FCRL1: variants seen among roughly 807,000 people sequenced by gnomAD.
The protein encoded by FCRL1 is Fc receptor-like protein 1.
Under a neutral mutation model 49.2 loss-of-function variants are expected in FCRL1, and 34 were observed. The ratio of observed to expected loss-of-function variants is 0.69; its 90% CI spans 0.53 to 0.92. The LOEUF (loss-of-function observed/expected upper bound fraction) is 0.92, where lower values mean the gene tolerates loss of function less well. Among genes scored for constraint, FCRL1 ranks in the 40% least tolerant of loss-of-function variants. The pLI is 0.00. For synonymous variants in FCRL1, 218 were observed against 201.6 expected, an observed-to-expected ratio of 1.08 and a Z score of -0.69; for missense variants, 524 against 524.1, an observed-to-expected ratio of 1.00 and a Z score of 0.00.
At chr1:157,810,692 A>G (rs1372569008) in intron 1 of FCRL1, among the ~76,000 whole-genome samples, 1 of 152,224 alleles carries the variant, frequency 6.6e-6, no homozygotes, top group East Asian at 1.9e-4. Flanking sequence ...ACAGTCTTTC[A>G]AAAAAGTAAA....
chr1:157,797,580 T>C (rs909293936), intron 9 of FCRL1: 4 of 637,538 alleles, frequency 6.3e-6, no homozygotes, highest in Non-Finnish European at 1.1e-5. Context: ...ACCTCCATCG[T>C]GTTGGGAGGT....
intron 1 of FCRL1, among the ~76,000 whole-genome samples, chr1:157,808,187 T>A (rs1283030972): frequency 1.3e-5 from 2 of 152,122 alleles, no homozygotes; most frequent in Non-Finnish European, 2.9e-5. Flanking sequence ...CCTGGAGTGA[T>A]GGGAGTAAAC....
intron 1 of FCRL1, among the ~76,000 whole-genome samples, chr1:157,813,640 A>G (rs748400909): frequency 2.0e-5 from 3 of 152,216 alleles, no homozygotes; most frequent in African/African-American, 7.2e-5. Context: ...GTACTAGCAG[A>G]AAAAGATATA....
chr1:157,798,800 CTG>C (rs1244192977), intron 7 of FCRL1, among the ~76,000 whole-genome samples: 3 of 152,168 alleles, frequency 2.0e-5, no homozygotes, highest in Non-Finnish European at 2.9e-5. Flanking sequence ...TCACCAATAA[CTG>C]TTCAGTATGT....
intron 1 of FCRL1, among the ~76,000 whole-genome samples, chr1:157,816,570 T>G (rs1655049323): frequency 6.6e-6 from 1 of 151,680 alleles, no homozygotes; most frequent in East Asian, 1.9e-4. Flanking sequence ...CTATTTAACA[T>G]AATAATTGAA....
At chr1:157,802,268 C>A in intron 4 of FCRL1, 75 bp from the exon 5 acceptor site, 9 of 1,576,062 alleles carry the variant, frequency 5.7e-6, no homozygotes, top group Non-Finnish European at 7.8e-6. Flanking sequence ...CACCGATGCT[C>A]AGCCCCATTG....
intron 2 of FCRL1, among the ~76,000 whole-genome samples, chr1:157,805,306 C>T (rs1653250393): frequency 6.6e-6 from 1 of 152,118 alleles, no homozygotes; most frequent in Non-Finnish European, 1.5e-5. Flanking sequence ...GAGCCTCTGC[C>T]CCTTGAAAAA....
At chr1:157,796,511 C>A (rs752499187) in intron 10 of FCRL1, among the ~76,000 whole-genome samples, 40 of 152,322 alleles carry the variant, frequency 2.6e-4, no homozygotes, top group Non-Finnish European at 5.0e-4. Flanking sequence ...CACTGGACTT[C>A]ACCAAGGATT....
intron 8 of FCRL1, 45 bp downstream of exon 8, chr1:157,798,116 A>G (rs1410896338): frequency 5.1e-6 from 8 of 1,578,668 alleles, no homozygotes; most frequent in Non-Finnish European, 6.9e-6. Flanking sequence ...TCCCTTCCCT[A>G]GCTTGCTGTA....
In FCRL1 at chr1:157,798,010, C is replaced by T. The variant is rs1651813590; in HGVS notation, c.1115-71G>A. The T allele has an allele frequency of 4.5e-6, 7 of 1,544,104 alleles. No individual in the cohort carries two copies. The African/African-American group carries it at 8.2e-5, about 18-fold the overall frequency. ...GTCTTTCAAATTACTCCATACCTTC[C>T]ACCTGTCACAGCCATGAAGACAGAT... On this transcript the variant is annotated intron_variant, in intron 8 of 10. Coordinates refer to ENST00000368176, the MANE Select transcript of FCRL1 (RefSeq NM_052938.5).
chr1:157,800,292 G>T lies in FCRL1; in HGVS notation c.1004-207C>A, dbSNP rs11803791. Among the ~76,000 whole-genome samples, 123 of 152,288 alleles carry T rather than the reference G, an allele frequency of 8.1e-4. 1 individual carries two copies. The highest frequency in any genetic ancestry group is 2.9e-3 in the African/African-American group (119 of 41,556). On this transcript the variant is annotated intron_variant, in intron 6 of 10. Transcript: ENST00000368176. ...ACTCAGGTCCTGAATAATTAAGTGA[G>T]ATTCCCAAAGCCAATTAGTACCAGA...
Position 157,795,965 on chromosome 1 carries a change from AG to A in FCRL1, c.*133del. On this transcript the variant is annotated 3_prime_UTR_variant, in exon 11 of 11. Coordinates refer to ENST00000368176, the MANE Select transcript of FCRL1 (RefSeq NM_052938.5). The stretch of plus-strand genomic sequence containing the variant: ...GCCAACTTCACTTCACAGTAGATGA[AG>A]GAATAGTGCCATGGAGAATGGCATC... The A allele has an allele frequency of 1.3e-6, 1 of 750,024 alleles. No homozygotes were observed. The highest frequency in any genetic ancestry group is 1.7e-5 in the African/African-American group (1 of 57,636). 46.5% of individuals were successfully genotyped at this position (750,024 alleles called of 1,614,324 possible). A position where few individuals can be genotyped will look rare whatever the true frequency, so the allele number is the denominator to read the frequency against.
chr1:157,807,346 C>G (rs1378102398), intron 1 of FCRL1, among the ~76,000 whole-genome samples: 1 of 152,032 alleles, frequency 6.6e-6, no homozygotes, highest in Middle Eastern at 3.2e-3. Flanking sequence ...TTCTTTCTCT[C>G]TGCTCCTTTT....
At position 157,802,039 on chromosome 1, in the gene FCRL1, G is replaced by A. The variant is rs1295199485; in HGVS notation, c.762C>T (p.Ala254=). The A allele has an allele frequency of 3.1e-6, 5 of 1,614,114 alleles. No homozygotes were observed. Among genetic ancestry groups the A allele is most frequent in the Admixed American group, 1.7e-5 (1 of 60,010 alleles). ...TGAAGGAGGCTCCTCCTCCAGAGGG[G>A]GCCGACCTGCTCCCCAGGGTGATAT... ...HEDITLGSRS[A]PSGGGASFNL... is the part of the protein sequence containing the mutation. Residue 254 remains alanine, a synonymous_variant, in exon 5 of 11, where the codon GCC becomes GCT. Coordinates refer to ENST00000368176, the MANE Select transcript of FCRL1 (RefSeq NM_052938.5).
At chr1:157,817,085 A>C (rs1212111797) in intron 1 of FCRL1, among the ~76,000 whole-genome samples, 1 of 152,070 alleles carries the variant, frequency 6.6e-6, no homozygotes, top group East Asian at 1.9e-4. Flanking sequence ...TACTACCCAG[A>C]ATCATCTACA....
At chr1:157,798,070 C>A in intron 8 of FCRL1, 91 bp downstream of exon 8, 1 of 1,513,936 alleles carries the variant, frequency 6.6e-7, no homozygotes, top group Non-Finnish European at 9.1e-7. Context: ...TAGGGCACAG[C>A]AAAGTCAGGT....
At position 157,794,889 on chromosome 1, in the gene FCRL1, C is replaced by T. The variant is rs1651257758; in HGVS notation, c.*1210G>A. ...TAAAATAGTATAATAGATCTATTTA[C>T]AGATTTGAAAGTATTTCATAATAGT... On this transcript the variant is annotated 3_prime_UTR_variant, in exon 11 of 11. Transcript: ENST00000368176. The T allele has an allele frequency of 6.6e-6, 1 of 152,066 alleles. No individual in the cohort carries two copies. The highest frequency in any genetic ancestry group is 2.1e-4 in the South Asian group (1 of 4,828). 9.4% of individuals were successfully genotyped at this position (152,066 alleles called of 1,614,324 possible). A position where few individuals can be genotyped will look rare whatever the true frequency, so the allele number is the denominator to read the frequency against.
chr1:157,796,422 C>G (rs1028317836), intron 10 of FCRL1, among the ~76,000 whole-genome samples: 4 of 152,098 alleles, frequency 2.6e-5, no homozygotes, highest in African/African-American at 9.7e-5. Context: ...TCTTATGGGC[C>G]TTTGTTAGGC....
chr1:157,795,503 T>C lies in FCRL1; in HGVS notation c.*596A>G, dbSNP rs189896292. The C allele has an allele frequency of 6.6e-6, 1 of 152,636 alleles. No individual in the cohort carries two copies. Among genetic ancestry groups the C allele is most frequent in the African/African-American group, 2.4e-5 (1 of 41,586 alleles). 9.5% of individuals were successfully genotyped at this position (152,636 alleles called of 1,614,324 possible). A position where few individuals can be genotyped will look rare whatever the true frequency, so the allele number is the denominator to read the frequency against. Reference sequence around the variant, plus strand: ...ATTTTGGATGTGGTATAGGTTGGCCTATATATACAAAAATACGTCACTAAA... The same window carrying C: ...ATTTTGGATGTGGTATAGGTTGGCCCATATATACAAAAATACGTCACTAAA... On this transcript the variant is annotated 3_prime_UTR_variant, in exon 11 of 11. Coordinates refer to ENST00000368176, the MANE Select transcript of FCRL1 (RefSeq NM_052938.5).
Sources: gnomAD v4.1 joint callset for allele counts (sites outside exome capture counted in the v4.1 genomes callset) on GRCh38, gnomAD v4.1.1 for gene constraint, MANE v1.5 for transcripts, NCBI Gene and HGNC (gene_info 2026-07-23, HGNC 2026-07-21) for gene names.